Variants in WDR11 observed in about 807,000 individuals in gnomAD.
WDR11 encodes WD repeat domain 11, also known as WD repeat-containing protein 11.
Under a neutral mutation model 151.2 loss-of-function variants are expected in WDR11, and 83 were observed. The observed-to-expected ratio is 0.55, with a 90% CI of 0.46 to 0.66. The LOEUF (loss-of-function observed/expected upper bound fraction) is 0.66, where lower values mean the gene tolerates loss of function less well. Ranked by LOEUF, WDR11 falls within the 30% of genes least tolerant of loss-of-function variation. WDR11 has a pLI of 0.00. For missense variants in WDR11, 1,301 were observed against 1,480.9 expected (o/e 0.88, Z 1.99); for synonymous variants, 484 against 533.1 (o/e 0.91, Z 1.27).
chr10:120,908,463 G>A, intron 28 of WDR11, 93 bp from the exon 29 acceptor site: 1 of 1,368,634 alleles, frequency 7.3e-7, no homozygotes, highest in Non-Finnish European at 1.0e-6. Flanking sequence ...GCAGCCAGCA[G>A]AGCAGACGCG....
chr10:120,884,266 G>GTATTGGCACAA (rs1847134065), intron 14 of WDR11, among the ~76,000 whole-genome samples: 1 of 152,040 alleles, frequency 6.6e-6, no homozygotes, highest in Non-Finnish European at 1.5e-5. Context: ...ACAAAACCAT[G>GTATTGGCACAA]GAAATAAAAT....
At chr10:120,899,081 G>A (rs2133806562) in intron 19 of WDR11, among the ~76,000 whole-genome samples, 1 of 152,286 alleles carries the variant, frequency 6.6e-6, no homozygotes. Context: ...TCAGAGCAGA[G>A]CTGCTGGGCA....
intron 19 of WDR11, among the ~76,000 whole-genome samples, chr10:120,891,545 T>C (rs1847429116): frequency 6.6e-6 from 1 of 152,172 alleles, no homozygotes; most frequent in African/African-American, 2.4e-5. Flanking sequence ...CAATACAGTG[T>C]TCATCCTTGG....
At chr10:120,887,963 A>C (rs180763152) in intron 16 of WDR11, among the ~76,000 whole-genome samples, 1 of 152,086 alleles carries the variant, frequency 6.6e-6, no homozygotes, top group East Asian at 1.9e-4. Flanking sequence ...ACTTTATTAT[A>C]ATATTGATTT....
chr10:120,880,716 G>C (rs1846971161), intron 12 of WDR11, 110 bp from the exon 13 acceptor site: 3 of 941,392 alleles, frequency 3.2e-6, no homozygotes, highest in Non-Finnish European at 5.0e-6. Flanking sequence ...ATGAATAGGA[G>C]AACAGAGGGT....
intron 8 of WDR11, 86 bp from the exon 9 acceptor site, chr10:120,866,980 C>G: frequency 1.7e-6 from 2 of 1,187,768 alleles, no homozygotes; most frequent in Non-Finnish European, 2.5e-6. Flanking sequence ...GATAGAATGC[C>G]ATAATCTGGA....
At chr10:120,886,650 A>AC (rs1847229422) in intron 15 of WDR11, 39 bp from the exon 16 acceptor site, 1 of 1,608,302 alleles carries the variant, frequency 6.2e-7, no homozygotes, top group Non-Finnish European at 8.5e-7. Flanking sequence ...CTCTAGGGGA[A>AC]AAAAAAACAT....
chr10:120,882,558 TAAATATAGGACTATTTAGATTCTC>T (rs1847055282), intron 13 of WDR11, among the ~76,000 whole-genome samples: 1 of 151,460 alleles, frequency 6.6e-6, no homozygotes. Flanking sequence ...TTTTTTTTCA[TAAATATAGGACTATTTAGATTCTC>T]TTTTTTTGAG....
intron 20 of WDR11, among the ~76,000 whole-genome samples, chr10:120,900,466 C>CT (rs1422640704): frequency 6.6e-6 from 1 of 152,080 alleles, no homozygotes; most frequent in Admixed American, 6.6e-5. Flanking sequence ...CGGGCACGTT[C>CT]TTTTTAAAAG....
intron 4 of WDR11, among the ~76,000 whole-genome samples, chr10:120,862,279 A>G (rs1450461706): frequency 6.6e-6 from 1 of 151,840 alleles, no homozygotes; most frequent in African/African-American, 2.4e-5. Context: ...TGCTGGGATT[A>G]CAGGTGTGTG....
intron 24 of WDR11, 96 bp from the exon 25 acceptor site, chr10:120,904,550 A>T (rs940701517): frequency 1.4e-6 from 2 of 1,451,934 alleles, no homozygotes; most frequent in Non-Finnish European, 1.9e-6. Flanking sequence ...TTTTTTGAAA[A>T]TGAGTGTTTT....
At chr10:120,903,875 A>G (rs1847932610) in intron 23 of WDR11, among the ~76,000 whole-genome samples, 172 bp from the exon 24 acceptor site, 1 of 152,196 alleles carries the variant, frequency 6.6e-6, no homozygotes, top group South Asian at 2.1e-4. Flanking sequence ...ATCTATCAAC[A>G]TTTTTGCTGT....
chr10:120,868,859 T>A (rs183042013), intron 9 of WDR11: 1 of 152,216 alleles, frequency 6.6e-6, no homozygotes, highest in South Asian at 2.1e-4. Flanking sequence ...TATCTAAAAT[T>A]ATTTCTCTCC....
rs957417788 is a variant in WDR11, at chr10:120,852,562, T to G, written c.125T>G (p.Leu42Arg). Residue 42 changes from leucine to arginine, a missense_variant, in exon 2 of 29, where the codon CTT (leucine) becomes CGT (arginine). Physicochemically the swap from Leu to Arg is moderately radical, Grantham distance 102. Coordinates refer to ENST00000263461, the MANE Select transcript of WDR11 (RefSeq NM_018117.12). ...TTAATTGCTTATGGATGTCATTCAC[T>G]TGTGGTAGTGATTGATTCCATTACT... The part of the protein sequence containing the change: ...QGLIAYGCHS[L>R]VVVIDSITAQ... 1.2e-6 allele frequency: 2 copies of G among 1,613,982 alleles called. No homozygotes were observed. The highest frequency in any genetic ancestry group is 2.7e-5 in the African/African-American group (2 of 74,934).
At chr10:120,885,357 TAAG>T (rs1847183357) in intron 14 of WDR11, among the ~76,000 whole-genome samples, 1 of 151,894 alleles carries the variant, frequency 6.6e-6, no homozygotes, top group Non-Finnish European at 1.5e-5. Context: ...AACTACATGT[TAAG>T]AACTTATACA....
At chr10:120,872,087 C>G (rs1291495013) in intron 10 of WDR11, among the ~76,000 whole-genome samples, 1 of 152,212 alleles carries the variant, frequency 6.6e-6, no homozygotes, top group Admixed American at 6.5e-5. Context: ...GGCTTTCTCC[C>G]CCAGTCTATT....
At position 120,884,026 on chromosome 10, in the gene WDR11, TAAATA is replaced by T; in HGVS notation, c.1848+141_1848+145del. On this transcript the variant is annotated intron_variant, in intron 14 of 28. Coordinates refer to ENST00000263461, the MANE Select transcript of WDR11 (RefSeq NM_018117.12). ...AAATGTGTGTTCAGAGAAGATGATC[TAAATA>T]AATGGAGATAATTCTTATTTTCTTG... 3 of 698,960 alleles carry T rather than the reference TAAATA, an allele frequency of 4.3e-6. No homozygotes were observed. The South Asian group carries it at 5.0e-5, about 12-fold the overall frequency. 43.3% of individuals were successfully genotyped at this position (698,960 alleles called of 1,614,324 possible).
intron 16 of WDR11, 143 bp downstream of exon 16, chr10:120,886,979 T>G: frequency 1.2e-6 from 1 of 851,624 alleles, no homozygotes; most frequent in Middle Eastern, 2.9e-4. Flanking sequence ...CGATTAAACT[T>G]GTTCCATACT....
At chr10:120,864,454 CAA>C (rs1846244844) in intron 5 of WDR11, among the ~76,000 whole-genome samples, 1 of 152,132 alleles carries the variant, frequency 6.6e-6, no homozygotes, top group Admixed American at 6.6e-5. Context: ...CAGACCCTAA[CAA>C]TCTCTTAAAA....
Sources: gnomAD v4.1 joint callset for allele counts (sites outside exome capture counted in the v4.1 genomes callset) on GRCh38, gnomAD v4.1.1 for gene constraint, MANE v1.5 for transcripts, NCBI Gene and HGNC (gene_info 2026-07-23, HGNC 2026-07-21) for gene names.